The following NUP85 variants were observed in gnomAD, a reference collection of about 807,000 sequenced individuals.
The protein encoded by NUP85 is nucleoporin 85.
NUP85 carries 23 observed loss-of-function variants against 92.8 expected under a neutral mutation model. The observed-to-expected ratio is 0.25, with a 90% CI of 0.18 to 0.35. NUP85 has a LOEUF of 0.35. Among genes scored for constraint, NUP85 ranks in the 10% least tolerant of loss-of-function variants. NUP85 has a pLI of 1.00. For missense variants in NUP85, 759 were observed against 822.8 expected, an observed-to-expected ratio of 0.92 and a Z score of 0.95; for synonymous variants, 314 against 306.9, an observed-to-expected ratio of 1.02 and a Z score of -0.24.
At chr17:75,213,271 C>T (rs1373073318) in intron 5 of NUP85, 152 bp downstream of exon 5, 2 of 639,130 alleles carry the variant, frequency 3.1e-6, no homozygotes, top group Non-Finnish European at 5.6e-6. Flanking sequence ...GTCTTGCCCC[C>T]TTCAAGGTGT....
rs764543345 is a variant in NUP85, at chr17:75,218,325, C to T, written c.597+19C>T. The T allele has an allele frequency of 1.1e-5, 18 of 1,611,460 alleles. No homozygotes were observed. In the South Asian group the frequency reaches 2.0e-4, roughly 18 times the overall value. ...GAACTTGGTAAGACAGGCCGGGCCC[C>T]CACCTCCCACCATGTGTCCTACTGT... is the stretch of plus-strand genomic sequence containing the variant. On this transcript the variant is annotated intron_variant, in intron 7 of 18. Coordinates refer to ENST00000245544, the MANE Select transcript of NUP85 (RefSeq NM_024844.5).
rs372841934 is a variant in NUP85 at position 75,235,642 on chromosome 17, G to A, written c.1934G>A (p.Arg645Gln). ...LRLSLARNLA[R>Q]AIIREGSLEG... ...CTTTCTCTGGCACGAAATCTTGCTC[G>A]GGCAATTATAAGAGAAGGCTCACTG... The change falls in exon 19 of 19, where the codon CGG becomes CAG. Residue 645 changes from arginine to glutamine, a missense_variant. Physicochemically the swap from Arg to Gln is conservative, Grantham distance 43. Coordinates refer to ENST00000245544, the MANE Select transcript of NUP85 (RefSeq NM_024844.5). 21 of 1,614,022 alleles carry A rather than the reference G, an allele frequency of 1.3e-5. No individual in the cohort carries two copies. The highest frequency in any genetic ancestry group is 6.7e-5 in the African/African-American group (5 of 75,046).
At chr17:75,223,954 CAT>C (rs890998256) in intron 7 of NUP85, among the ~76,000 whole-genome samples, 3 of 152,236 alleles carry the variant, frequency 2.0e-5, no homozygotes, top group East Asian at 1.9e-4. Flanking sequence ...AGACTCATCT[CAT>C]GTGTAATTCC....
chr17:75,232,782 C>T (rs1298751840), intron 14 of NUP85, 69 bp from the exon 15 acceptor site: 6 of 1,418,584 alleles, frequency 4.2e-6, no homozygotes, highest in Non-Finnish European at 6.0e-6. Context: ...CACTCCGGTC[C>T]CCACAGGGCT....
At position 75,213,133 on chromosome 17, in the gene NUP85, C is replaced by A; in HGVS notation, c.405+14C>A. ...TTCAGCAGCCAGGTAAGGGGAGTCA[C>A]CTTTATTGTTTTAGCACCACTGTGT... On this transcript the variant is annotated intron_variant, in intron 5 of 18. Transcript: ENST00000245544. The A allele has an allele frequency of 6.2e-7, 1 of 1,612,960 alleles. No individual in the cohort carries two copies.
chr17:75,209,616 G>A (rs1188445909), intron 2 of NUP85, among the ~76,000 whole-genome samples: 1 of 151,922 alleles, frequency 6.6e-6, no homozygotes, highest in Non-Finnish European at 1.5e-5. Context: ...GCTAATTTTT[G>A]TATTTTTAGT....
chr17:75,212,115 T>TGTGTG, intron 4 of NUP85, 53 bp downstream of exon 4: 2 of 997,120 alleles, frequency 2.0e-6, no homozygotes, highest in African/African-American at 3.1e-5. Flanking sequence ...TGTGTGGGTA[T>TGTGTG]TTTGAGTATT....
At chr17:75,215,570 G>T (rs2075405205) in intron 5 of NUP85, among the ~76,000 whole-genome samples, 184 bp from the exon 6 acceptor site, 1 of 152,192 alleles carries the variant, frequency 6.6e-6, no homozygotes, top group Non-Finnish European at 1.5e-5. Flanking sequence ...AATAGTGTTG[G>T]TCTCCATCCC....
At chr17:75,224,131 C>T (rs1432881086) in intron 7 of NUP85, among the ~76,000 whole-genome samples, 4 of 152,076 alleles carry the variant, frequency 2.6e-5, no homozygotes, top group African/African-American at 4.8e-5. Flanking sequence ...CTGCAACCTC[C>T]GCCGCCCAGA....
intron 2 of NUP85, among the ~76,000 whole-genome samples, chr17:75,209,518 A>C (rs771631401): frequency 1.9e-4 from 27 of 139,348 alleles, no homozygotes; most frequent in Admixed American, 4.6e-4. Context: ...ATCTCGGCTC[A>C]CTGCCACCTC....
chr17:75,208,376 C>T (rs2075152068), intron 1 of NUP85, 151 bp from the exon 2 acceptor site: 12 of 617,510 alleles, frequency 1.9e-5, no homozygotes, highest in South Asian at 1.2e-4. Context: ...ACCCAGGAGG[C>T]GGCGATTGGA....
At position 75,224,495 on chromosome 17, in the gene NUP85, G is replaced by C. The variant is rs559265736; in HGVS notation, c.598-608G>C. ...ACACCATGATGGTGGAGAAGGGGTG[G>C]GGGGAAGCAGGTAGAGGAACATGTT... is the stretch of plus-strand genomic sequence containing the variant. On this transcript the variant is annotated intron_variant, in intron 7 of 18. Transcript: ENST00000245544. Among the ~76,000 whole-genome samples the C allele has an allele frequency of 4.7e-4, 71 of 152,262 alleles. 2 individuals are homozygous for C. In the South Asian group the frequency reaches 0.011, roughly 24 times the overall value.
At chr17:75,228,299 C>T (rs928691664) in intron 11 of NUP85, 23 of 985,374 alleles carry the variant, frequency 2.3e-5, no homozygotes, top group South Asian at 1.4e-4. Context: ...ACTCTCGTGC[C>T]GGACACAGAC....
intron 16 of NUP85, among the ~76,000 whole-genome samples, chr17:75,233,680 C>G (rs2076194101): frequency 6.6e-6 from 1 of 151,952 alleles, no homozygotes; most frequent in Admixed American, 6.6e-5. Flanking sequence ...CTCACTGCAA[C>G]CCCCGCCTCC....
Position 75,205,768 on chromosome 17 carries a change from G to A in NUP85, c.7G>A (p.Glu3Lys), listed in dbSNP as rs1450314409. 6.2e-7 allele frequency: 1 copy of A among 1,614,206 alleles called. No homozygotes were observed. ...GAGCCTGGGGTTCGGCGCTATGGAG[G>A]AGCTCGATGGCGAGCCAACAGTCAC... is the stretch of plus-strand genomic sequence containing the variant. MEELDGEPTVTLI... is the reference protein window; with the variant it reads MEKLDGEPTVTLI... Residue 3 changes from glutamate to lysine, a missense_variant, in exon 1 of 19, where the codon GAG (glutamate) becomes AAG (lysine). Coordinates refer to ENST00000245544, the MANE Select transcript of NUP85 (RefSeq NM_024844.5).
intron 4 of NUP85, 23 bp downstream of exon 4, chr17:75,212,085 C>CGA: frequency 7.2e-7 from 1 of 1,397,894 alleles, no homozygotes; most frequent in South Asian, 1.2e-5. Context: ...TGCGCGTGCG[C>CGA]GCGTGTGTGT....
chr17:75,234,949 C>G (rs1446678424), intron 17 of NUP85, 151 bp from the exon 18 acceptor site: 4 of 1,065,592 alleles, frequency 3.8e-6, no homozygotes, highest in Non-Finnish European at 5.8e-6. Context: ...ACACAGGAAA[C>G]AAACACTGCT....
At position 75,235,628 on chromosome 17, in the gene NUP85, A is replaced by G. The variant is rs2076304430; in HGVS notation, c.1920A>G (p.Ala640=). 1.2e-6 allele frequency: 2 copies of G among 1,614,066 alleles called. No homozygotes were observed. Among genetic ancestry groups the G allele is most frequent in the Non-Finnish European group, 1.7e-6 (2 of 1,180,000 alleles). Residue 640 remains alanine (A), a synonymous_variant, in exon 19 of 19, where the codon GCA becomes GCG. Transcript: ENST00000245544. ...TGGAAATGCTGAGACTTTCTCTGGC[A>G]CGAAATCTTGCTCGGGCAATTATAA... ...TKVEMLRLSL[A]RNLARAIIRE...
intron 7 of NUP85, among the ~76,000 whole-genome samples, chr17:75,224,871 CAGCTGGCTGTTT>C (rs2075725291): frequency 2.7e-5 from 4 of 149,868 alleles, no homozygotes; most frequent in Admixed American, 2.0e-4. Context: ...TAATGGACTA[CAGCTGGCTGTTT>C]GAAAAACATA....
Sources: gnomAD v4.1 joint callset for allele counts (sites outside exome capture counted in the v4.1 genomes callset) on GRCh38, gnomAD v4.1.1 for gene constraint, MANE v1.5 for transcripts, NCBI Gene and HGNC (gene_info 2026-07-23, HGNC 2026-07-21) for gene names.